Variants in NOS3 observed in about 807,000 individuals in gnomAD.
NOS3 encodes nitric oxide synthase 3, also known as NOS type III.
A neutral mutation model predicts 144.9 loss-of-function variants in NOS3; 98 were observed. The ratio of observed to expected loss-of-function variants is 0.68; its 90% confidence interval spans 0.57 to 0.80. The LOEUF (loss-of-function observed/expected upper bound fraction) is 0.80. NOS3 is among the 30% of genes least tolerant of loss of function. The probability of loss-of-function intolerance (pLI) is 0.00; values close to 1 mark genes in which losing one functional copy is unlikely to be tolerated. For synonymous variants in NOS3, 714 were observed against 702.4 expected, an observed-to-expected ratio of 1.02 and a Z score of -0.26; for missense variants, 1,465 against 1,656.4, an observed-to-expected ratio of 0.88 and a Z score of 2.01.
rs778054091 is a variant in NOS3, at chr7:151,009,281, C to T, written c.2324+14C>T. The T allele has an allele frequency of 2.5e-6, 4 of 1,606,732 alleles. No homozygotes were observed. The highest frequency in any genetic ancestry group is 1.3e-5 in the African/African-American group (1 of 74,664). The stretch of plus-strand genomic sequence containing the variant: ...CAGCAAGTCCACGTGAGGACGACGG[C>T]TTTACCGCCCCCCCACCCCTGTCCT... On this transcript the variant is annotated intron_variant, in intron 19 of 26. Transcript: ENST00000297494.
rs1467531278 is a variant in NOS3 at position 151,003,131 on chromosome 7, T to C, written c.1752+827T>C. ...TAAGTACTTCCTCAGTACTCTTTTT[T>C]CTTTTTTCCTTTGAGACAGGGTCTC... On this transcript the variant is annotated intron_variant, in intron 14 of 26. Transcript: ENST00000297494. The surrounding 1 kb of genome is among the most constrained non-coding windows in gnomAD (Gnocchi z 4.1). 2.2e-6 allele frequency: 1 copy of C among 453,252 alleles called. No individual in the cohort carries two copies. Among genetic ancestry groups the C allele is most frequent in the Admixed American group, 2.4e-5 (1 of 42,344 alleles). 28.1% of individuals were successfully genotyped at this position (453,252 alleles called of 1,614,324 possible). A position where few individuals can be genotyped will look rare whatever the true frequency, so the allele number is the denominator to read the frequency against.
Position 151,009,221 on chromosome 7 carries a change from C to G in NOS3, c.2278C>G (p.Gln760Glu). 6.2e-7 allele frequency: 1 copy of G among 1,613,900 alleles called. No individual in the cohort carries two copies. The highest frequency in any genetic ancestry group is 8.5e-7 in the Non-Finnish European group (1 of 1,179,882). The part of the protein sequence containing the change: ...LIHVHRRKMF[Q>E]ATIRSVENLQ... ...CCACGTGCACAGGCGGAAGATGTTC[C>G]AGGCTACAATCCGCTCAGTGGAAAA... The change falls in exon 19 of 27, where the codon CAG becomes GAG. Residue 760 changes from glutamine to glutamate, a missense_variant. Transcript: ENST00000297494.
Position 151,003,756 on chromosome 7 carries a change from G to T in NOS3, c.1752+1452G>T. 2.1e-6 allele frequency: 1 copy of T among 473,570 alleles called. No individual in the cohort carries two copies. Among genetic ancestry groups the T allele is most frequent in the East Asian group, 7.0e-5 (1 of 14,376 alleles). 29.3% of individuals were successfully genotyped at this position (473,570 alleles called of 1,614,324 possible). ...ACGCAGTGTTGCGGCGTCTCCTGCT[G>T]AGGCTGTTTTTGAGGCGCACTCGTG... On this transcript the variant is annotated intron_variant, in intron 14 of 26. Coordinates refer to ENST00000297494, the MANE Select transcript of NOS3 (RefSeq NM_000603.5). This position sits in a 1 kb window ranked among gnomAD's most constrained non-coding sequence, Gnocchi z 4.1.
At position 151,006,421 on chromosome 7, in the gene NOS3, C is replaced by T. The variant is rs374477075; in HGVS notation, c.1753-6C>T. On this transcript the variant is annotated splice_region_variant and splice_polypyrimidine_tract_variant and intron_variant, in intron 14 of 26. Transcript: ENST00000297494. The stretch of plus-strand genomic sequence containing the variant: ...CTAACCCTGATGCAAACACTCCCCT[C>T]GCCAGAGCTTTGCAGCTGCCCTGAT... 29 of 1,613,292 alleles carry T rather than the reference C, an allele frequency of 1.8e-5. No homozygotes were observed. The highest frequency in any genetic ancestry group is 8.3e-5 in the Admixed American group (5 of 59,970).
intron 1 of NOS3, among the ~76,000 whole-genome samples, chr7:150,991,793 C>T (rs918257103): frequency 4.6e-5 from 7 of 152,186 alleles, no homozygotes; most frequent in Non-Finnish European, 7.4e-5. Context: ...GTCAGGAGTT[C>T]GAGACCAGCC....
rs1584907013 is a variant in NOS3 at position 151,003,456 on chromosome 7, GA to G, written c.1752+1155del. The G allele has an allele frequency of 8.2e-7, 1 of 1,218,638 alleles. No individual in the cohort carries two copies. Among genetic ancestry groups the G allele is most frequent in the Non-Finnish European group, 1.1e-6 (1 of 951,470 alleles). 75.5% of individuals were successfully genotyped at this position (1,218,638 alleles called of 1,614,324 possible). ...TATCTTAAGCAAGTTGGAATCTCGT[GA>G]AACCCTTTTTGCTGCCTTAGTGTCC... On this transcript the variant is annotated intron_variant, in intron 14 of 26. Coordinates refer to ENST00000297494, the MANE Select transcript of NOS3 (RefSeq NM_000603.5). The surrounding 1 kb of genome is among the most constrained non-coding windows in gnomAD (Gnocchi z 4.1).
rs1051941781 is a variant in NOS3 at position 151,002,549 on chromosome 7, G to A, written c.1752+245G>A. On this transcript the variant is annotated intron_variant, in intron 14 of 26. Coordinates refer to ENST00000297494, the MANE Select transcript of NOS3 (RefSeq NM_000603.5). The surrounding 1 kb of genome is among the most constrained non-coding windows in gnomAD (Gnocchi z 4.1). ...CACCCATGTGGCTGCCTCCCTGCAAGCACATTTGCTTAACTGCGCGTCCCC... is the reference window on the plus strand; with the variant it reads ...CACCCATGTGGCTGCCTCCCTGCAAACACATTTGCTTAACTGCGCGTCCCC... 6.6e-6 allele frequency among the ~76,000 whole-genome samples: 1 copy of A among 152,022 alleles called. No individual in the cohort carries two copies.
intron 23 of NOS3, among the ~76,000 whole-genome samples, chr7:151,011,602 ACT>A (rs1050421077): frequency 4.9e-5 from 5 of 102,908 alleles, no homozygotes; most frequent in South Asian, 4.5e-4. Context: ...ACAGAGCCAG[ACT>A]CTGTCTCAAA....
chr7:150,997,840 T>C (rs1802466530), intron 5 of NOS3, among the ~76,000 whole-genome samples: 1 of 152,150 alleles, frequency 6.6e-6, no homozygotes. Context: ...CTGACACATG[T>C]TTCCTCCTCC....
intron 23 of NOS3, chr7:151,012,057 G>A (rs1190954613): frequency 2.7e-6 from 1 of 369,988 alleles, no homozygotes; most frequent in African/African-American, 2.1e-5. Context: ...AACACACTTA[G>A]TGAACCCATT....
rs1795142755 is a variant in NOS3 at position 151,003,015 on chromosome 7, C to A, written c.1752+711C>A. 1 of 281,354 alleles carries A rather than the reference C, an allele frequency of 3.6e-6. No individual in the cohort carries two copies. The highest frequency in any genetic ancestry group is 7.0e-6 in the Non-Finnish European group (1 of 141,998). The allele number at this position is 281,354 out of a possible 1,614,324, so 17.4% of individuals were successfully genotyped here. A position where few individuals can be genotyped will look rare whatever the true frequency, so the allele number is the denominator to read the frequency against. On this transcript the variant is annotated intron_variant, in intron 14 of 26. Coordinates refer to ENST00000297494, the MANE Select transcript of NOS3 (RefSeq NM_000603.5). This position sits in a 1 kb window ranked among gnomAD's most constrained non-coding sequence, Gnocchi z 4.1. Reference sequence around the variant, plus strand: ...TACCATCATTGAATTCCTTCTCTTGCAAGCTTAGGTATCTCTGAGGTGCCC... The same window carrying A: ...TACCATCATTGAATTCCTTCTCTTGAAAGCTTAGGTATCTCTGAGGTGCCC...
In NOS3 at chr7:150,998,676, C is replaced by T; in HGVS notation, c.812C>T (p.Thr271Ile). The stretch of plus-strand genomic sequence containing the variant: ...GGGGACCCAGCCAACGTGGAGATCA[C>T]CGAGGTGGGCACCGAGGGCCACCCA... ...VRGDPANVEI[T>I]ELCIQHGWTP... The change falls in exon 7 of 27, where the codon ACC becomes ATC. Residue 271 changes from threonine (T) to isoleucine (I), a missense_variant. Around this residue, in one of 5 missense-constraint regions of NOS3, gnomAD observed 374 missense variants for 377.0 expected, o/e 0.99. Coordinates refer to ENST00000297494, the MANE Select transcript of NOS3 (RefSeq NM_000603.5). The surrounding 1 kb of genome is among the most constrained non-coding windows in gnomAD (Gnocchi z 5.0). The T allele has an allele frequency of 6.2e-7, 1 of 1,605,806 alleles. No homozygotes were observed.
chr7:151,010,102 G>A lies in NOS3; in HGVS notation c.2513-13G>A. On this transcript the variant is annotated splice_polypyrimidine_tract_variant and intron_variant, in intron 20 of 26. Transcript: ENST00000297494. ...GGGCCCTGTCCTCAGAGCTCCCTGTGCACTATCCCCAGGTGGCCCTCCCCC... is the reference window on the plus strand; with the variant it reads ...GGGCCCTGTCCTCAGAGCTCCCTGTACACTATCCCCAGGTGGCCCTCCCCC... 1 of 1,564,980 alleles carries A rather than the reference G, an allele frequency of 6.4e-7. No individual in the cohort carries two copies. The highest frequency in any genetic ancestry group is 8.8e-7 in the Non-Finnish European group (1 of 1,140,358).
Position 151,010,223 on chromosome 7 carries a change from T to TG in NOS3, c.2622dup (p.Arg875AlafsTer157). ...ACCTCCCCACCCAGCCCTCAGCTCT[T>TG]GCGGCTGCTCAGCACCTTGGCAGAA... On this transcript the variant is annotated frameshift_variant, in exon 21 of 27. Coordinates refer to ENST00000297494, the MANE Select transcript of NOS3 (RefSeq NM_000603.5). LOFTEE classifies it high-confidence loss of function. 1 of 1,612,702 alleles carries TG rather than the reference T, an allele frequency of 6.2e-7. No individual in the cohort carries two copies. Among genetic ancestry groups the TG allele is most frequent in the East Asian group, 2.2e-5 (1 of 44,844 alleles).
At position 151,003,410 on chromosome 7, in the gene NOS3, G is replaced by A. The variant is rs1795154877; in HGVS notation, c.1752+1106G>A. The A allele has an allele frequency of 2.4e-6, 3 of 1,224,796 alleles. No individual in the cohort carries two copies. Among genetic ancestry groups the A allele is most frequent in the Non-Finnish European group, 2.1e-6 (2 of 955,108 alleles). The allele number at this position is 1,224,796 out of a possible 1,614,324, so 75.9% of individuals were successfully genotyped here. A position where few individuals can be genotyped will look rare whatever the true frequency, so the allele number is the denominator to read the frequency against. On this transcript the variant is annotated intron_variant, in intron 14 of 26. Transcript: ENST00000297494. This position sits in a 1 kb window ranked among gnomAD's most constrained non-coding sequence, Gnocchi z 4.1. Reference sequence around the variant, plus strand: ...CAAAGTGCTGCGATTATAGACGTGAGCCACTGCACCTGGCCCTCAGTATCT... The same window carrying A: ...CAAAGTGCTGCGATTATAGACGTGAACCACTGCACCTGGCCCTCAGTATCT...
rs763074484 is a variant in NOS3, at chr7:151,013,783, C to T, written c.3315C>T (p.Cys1105=). 3 of 1,611,452 alleles carry T rather than the reference C, an allele frequency of 1.9e-6. No homozygotes were observed. The highest frequency in any genetic ancestry group is 2.5e-6 in the Non-Finnish European group (3 of 1,179,326). ...ELAAEVHRVL[C]LERGHMFVCG... is the part of the protein sequence containing the mutation. Reference sequence around the variant, plus strand: ...CTGCGGAGGTGCACCGCGTGCTGTGCCTCGAGCGGGGCCACATGTTTGTCT... The same window carrying T: ...CTGCGGAGGTGCACCGCGTGCTGTGTCTCGAGCGGGGCCACATGTTTGTCT... Residue 1105 remains cysteine (C), a synonymous_variant, in exon 26 of 27, where the codon TGC becomes TGT. Transcript: ENST00000297494.
chr7:151,013,485 C>T, intron 25 of NOS3, 106 bp downstream of exon 25: 2 of 1,408,414 alleles, frequency 1.4e-6, no homozygotes, highest in East Asian at 2.4e-5. Context: ...TGGCCTCCCA[C>T]GACCACTCAG....
intron 21 of NOS3, 63 bp from the exon 22 acceptor site, chr7:151,010,534 C>A: frequency 6.9e-7 from 1 of 1,448,742 alleles, no homozygotes. Context: ...GGGGAGGGGT[C>A]AAGAAGGGAG....
At position 151,003,549 on chromosome 7, in the gene NOS3, A is replaced by C; in HGVS notation, c.1752+1245A>C. The C allele has an allele frequency of 7.8e-7, 1 of 1,286,508 alleles. No individual in the cohort carries two copies. Among genetic ancestry groups the C allele is most frequent in the Non-Finnish European group, 1.0e-6 (1 of 978,606 alleles). The allele number at this position is 1,286,508 out of a possible 1,614,324, so 79.7% of individuals were successfully genotyped here. On this transcript the variant is annotated intron_variant, in intron 14 of 26. Transcript: ENST00000297494. This position sits in a 1 kb window ranked among gnomAD's most constrained non-coding sequence, Gnocchi z 4.1. ...CACCAGCAATTGACTTTTTTTTAGCATAAAGGTGTATAGACACCCATATAA... is the reference window on the plus strand; with the variant it reads ...CACCAGCAATTGACTTTTTTTTAGCCTAAAGGTGTATAGACACCCATATAA...
Sources: allele counts gnomAD v4.1 joint callset (sites outside exome capture counted in the v4.1 genomes callset), GRCh38; gene constraint gnomAD v4.1.1; regional missense constraint gnomAD v4.1.1; non-coding constraint Gnocchi (gnomAD v3.1); transcripts MANE v1.5; gene names NCBI Gene and HGNC (gene_info 2026-07-23, HGNC 2026-07-21).